DPP10: variants seen among roughly 807,000 people sequenced by gnomAD.
DPP10 encodes dipeptidyl peptidase like 10.
DPP10 carries 33 observed loss-of-function variants against 120.9 expected under a neutral mutation model. The ratio of observed to expected loss-of-function variants is 0.27; its 90% CI spans 0.21 to 0.37. DPP10 has a LOEUF of 0.37. Ranked by LOEUF, DPP10 falls within the 10% of genes least tolerant of loss-of-function variation. The probability of loss-of-function intolerance (pLI) is 1.00; values close to 1 mark genes in which losing one functional copy is unlikely to be tolerated. For synonymous variants in DPP10, 337 were observed against 326.1 expected (o/e 1.03, Z -0.36); for missense variants, 816 against 942.8 (o/e 0.87, Z 1.76).
At chr2:114,663,271 T>TATATATATATACAC (rs375462897) in intron 1 of DPP10, among the ~76,000 whole-genome samples, 42 of 147,346 alleles carry the variant, frequency 2.9e-4, no homozygotes, top group African/African-American at 7.8e-4. Flanking sequence ...TATATATATA[T>TATATATATATACAC]ACACACACAT....
intron 1 of DPP10, among the ~76,000 whole-genome samples, chr2:115,256,496 G>A (rs2058993377): frequency 6.6e-6 from 1 of 152,174 alleles, no homozygotes. Context: ...GCTGGAGTTG[G>A]AGCAGTCAGG....
intron 3 of DPP10, among the ~76,000 whole-genome samples, chr2:115,458,335 A>G (rs2073744651): frequency 6.6e-6 from 1 of 152,164 alleles, no homozygotes; most frequent in African/African-American, 2.4e-5. Flanking sequence ...AAAGAATAGA[A>G]AACAAACATT....
chr2:114,642,065 A>C (rs1304667086), intron 1 of DPP10, among the ~76,000 whole-genome samples: 1 of 151,984 alleles, frequency 6.6e-6, no homozygotes, highest in Non-Finnish European at 1.5e-5. Context: ...TGATAACCTC[A>C]GACACAGACC....
At chr2:114,783,242 T>C (rs908897591) in intron 1 of DPP10, among the ~76,000 whole-genome samples, 1 of 152,002 alleles carries the variant, frequency 6.6e-6, no homozygotes, top group African/African-American at 2.4e-5. Context: ...AAATAGCTAA[T>C]AGAAAAAGGA....
chr2:115,268,949 C>G (rs1257275636), intron 1 of DPP10, among the ~76,000 whole-genome samples: 1 of 152,042 alleles, frequency 6.6e-6, no homozygotes, highest in Non-Finnish European at 1.5e-5. Flanking sequence ...GAGTTCAAGA[C>G]CAGCTTGGCC....
chr2:114,661,977 G>A (rs1396809771), intron 1 of DPP10, among the ~76,000 whole-genome samples: 1 of 151,222 alleles, frequency 6.6e-6, no homozygotes, highest in Admixed American at 6.6e-5. Context: ...TTGCACTCCA[G>A]CCTGAGCAAC....
rs1030412190 is a variant in DPP10, at chr2:115,678,292, G to T, written c.442-11395G>T. ...GCCTGGAGGCTTAGGAGGAAAAAAT[G>T]GTTTCATGGGCCAGGCCCGGGGCCC... On this transcript the variant is annotated intron_variant, in intron 5 of 25. Coordinates refer to ENST00000410059, the MANE Select transcript of DPP10 (RefSeq NM_020868.6). 3.9e-5 allele frequency among the ~76,000 whole-genome samples: 6 copies of T among 152,202 alleles called. No homozygotes were observed. The East Asian group carries it at 1.2e-3, about 29-fold the overall frequency.
At chr2:115,830,339 C>T (rs779215708) in intron 21 of DPP10, among the ~76,000 whole-genome samples, 1 of 91,418 alleles carries the variant, frequency 1.1e-5, no homozygotes, top group Non-Finnish European at 2.2e-5. Context: ...GCCTGGGCAA[C>T]AAGAGAAAAA....
At chr2:115,473,508 C>T (rs924310605) in intron 3 of DPP10, among the ~76,000 whole-genome samples, 1 of 152,240 alleles carries the variant, frequency 6.6e-6, no homozygotes, top group South Asian at 2.1e-4. Context: ...TTCTTGGCAG[C>T]CTGTGAGACT....
chr2:114,633,314 C>T lies in DPP10; in HGVS notation c.60+190476C>T, dbSNP rs192952729. ...TCACCCAGGCTGGAGTGCAGTGGCA[C>T]GATCTCGGTTCACTGCAACCTCCAC... On this transcript the variant is annotated intron_variant, in intron 1 of 25. Coordinates refer to ENST00000410059, the MANE Select transcript of DPP10 (RefSeq NM_020868.6). Among the ~76,000 whole-genome samples the T allele has an allele frequency of 2.9e-3, 390 of 133,946 alleles. 6 individuals carry two copies. The highest frequency in any genetic ancestry group is 0.011 in the African/African-American group (358 of 33,002). 87.9% of individuals were successfully genotyped at this position (133,946 alleles called of 152,430 possible).
At chr2:115,102,147 G>C (rs983330679) in intron 1 of DPP10, among the ~76,000 whole-genome samples, 3 of 152,172 alleles carry the variant, frequency 2.0e-5, no homozygotes, top group African/African-American at 7.2e-5. Flanking sequence ...TTCCTGGTGA[G>C]GGCTTCCTTC....
In DPP10 at chr2:115,758,872, C is replaced by A. The variant is rs376252646; in HGVS notation, c.1075-3700C>A. Among the ~76,000 whole-genome samples the A allele has an allele frequency of 1.1e-3, 170 of 152,078 alleles. 2 individuals are homozygous for A. Among genetic ancestry groups the A allele is most frequent in the African/African-American group, 3.9e-3 (160 of 41,488 alleles). On this transcript the variant is annotated intron_variant, in intron 11 of 25. Transcript: ENST00000410059. ...AAAATGGTGCTGAAAAAATTGGCATCCCGATTGGATAAAAAAAATTGATGT... is the reference window on the plus strand; with the variant it reads ...AAAATGGTGCTGAAAAAATTGGCATACCGATTGGATAAAAAAAATTGATGT...
chr2:115,089,627 C>T (rs1193058052), intron 1 of DPP10, among the ~76,000 whole-genome samples: 2 of 152,194 alleles, frequency 1.3e-5, no homozygotes, highest in Non-Finnish European at 1.5e-5. Context: ...CTTGCGGATT[C>T]ACTCATCTGT....
At chr2:114,974,002 A>AAT (rs1699578668) in intron 1 of DPP10, among the ~76,000 whole-genome samples, 1 of 152,236 alleles carries the variant, frequency 6.6e-6, no homozygotes, top group Non-Finnish European at 1.5e-5. Flanking sequence ...CATGTGTTTT[A>AAT]AATTAAGTGT....
chr2:115,836,746 A>G lies in DPP10; in HGVS notation c.2182A>G (p.Thr728Ala). Residue 728 changes from threonine to alanine, a missense_variant and splice_region_variant, in exon 24 of 26, where the codon ACA (threonine) becomes GCA (alanine). Transcript: ENST00000410059. The stretch of plus-strand genomic sequence containing the variant: ...ATTAATAATTCATGGAACTGCTGAC[A>G]GTAAGTATTATACTTGCCGCTGCTG... ...NILIIHGTADTKVHFQHSAEL... is the reference protein window; with the variant it reads ...NILIIHGTADAKVHFQHSAEL... 1 of 1,612,500 alleles carries G rather than the reference A, an allele frequency of 6.2e-7. No individual in the cohort carries two copies.
At chr2:115,010,601 A>T (rs561258721) in intron 1 of DPP10, among the ~76,000 whole-genome samples, 2 of 152,202 alleles carry the variant, frequency 1.3e-5, no homozygotes, top group South Asian at 4.1e-4. Flanking sequence ...ATTCTCCATA[A>T]TTAAAATAAG....
intron 1 of DPP10, among the ~76,000 whole-genome samples, chr2:115,062,740 A>G (rs955973582): frequency 1.3e-5 from 2 of 152,192 alleles, no homozygotes; most frequent in Non-Finnish European, 2.9e-5. Context: ...TTATGGCTGC[A>G]TAGTATTCCA....
intron 1 of DPP10, among the ~76,000 whole-genome samples, chr2:114,559,811 C>T (rs1383512648): frequency 6.8e-6 from 1 of 147,096 alleles, no homozygotes; most frequent in Non-Finnish European, 1.5e-5. Context: ...TGAGTAGTTA[C>T]TCCTCTCCCA....
chr2:115,395,146 G>A (rs13014758), intron 3 of DPP10, among the ~76,000 whole-genome samples: 70,804 of 151,986 alleles, frequency 0.47, 17,455 homozygotes, highest in Non-Finnish European at 0.56. Context: ...TCTGGGTCCC[G>A]GAAGTTTATG....
Sources: gnomAD v4.1 joint callset for allele counts (sites outside exome capture counted in the v4.1 genomes callset) on GRCh38, gnomAD v4.1.1 for gene constraint, MANE v1.5 for transcripts, NCBI Gene and HGNC (gene_info 2026-07-23, HGNC 2026-07-21) for gene names.